The following EVL variants were observed in gnomAD, a reference collection of about 807,000 sequenced individuals.
EVL encodes ena/VASP-like protein.
In EVL, 21 loss-of-function variants were observed where a neutral mutation model predicts 59.6. The observed-to-expected ratio is 0.35, with a 90% confidence interval of 0.25 to 0.51. The LOEUF is 0.51. Ranked by LOEUF, EVL falls within the 20% of genes least tolerant of loss-of-function variation. The pLI is 0.97. For synonymous variants in EVL, 198 were observed against 203.5 expected, an observed-to-expected ratio of 0.97 and a Z score of 0.23; for missense variants, 462 against 546.6, an observed-to-expected ratio of 0.85 and a Z score of 1.54.
At chr14:100,090,206 C>A (rs909866714) in intron 2 of EVL, among the ~76,000 whole-genome samples, 2 of 151,704 alleles carry the variant, frequency 1.3e-5, no homozygotes, top group South Asian at 2.1e-4. Context: ...ATTAATAAAC[C>A]TTTATTGAGA....
At chr14:100,003,449 T>G (rs1392424264) in intron 1 of EVL, among the ~76,000 whole-genome samples, 1 of 152,174 alleles carries the variant, frequency 6.6e-6, no homozygotes, top group Admixed American at 6.5e-5. Flanking sequence ...AGAGGTTTGC[T>G]CTTGTTGCCC....
chr14:100,135,260 TG>T (rs1888705369), intron 8 of EVL: 1 of 152,270 alleles, frequency 6.6e-6, no homozygotes, highest in African/African-American at 2.4e-5. Context: ...CAAAGACCTC[TG>T]CCCACGGTGA....
intron 1 of EVL, among the ~76,000 whole-genome samples, chr14:100,025,877 G>A (rs376673901): frequency 1.3e-5 from 2 of 152,006 alleles, no homozygotes; most frequent in African/African-American, 2.4e-5. Flanking sequence ...CAGAGGTTAC[G>A]GTGAGCCGAG....
chr14:99,998,060 C>T (rs1436963198), intron 1 of EVL, among the ~76,000 whole-genome samples: 1 of 151,862 alleles, frequency 6.6e-6, no homozygotes, highest in East Asian at 1.9e-4. Context: ...TGCTCTTTTA[C>T]CCGGGCTGGA....
At chr14:99,989,312 CAGGGCCGTGATACTTATTTA>C (rs560366341) in intron 1 of EVL, among the ~76,000 whole-genome samples, 101 of 152,000 alleles carry the variant, frequency 6.6e-4, no homozygotes, top group African/African-American at 2.4e-3. Flanking sequence ...CCCATCTCCC[CAGGGCCGTGATACTTATTTA>C]AGTCAGGTCT....
chr14:100,086,948 T>C (rs1384755427), intron 2 of EVL, among the ~76,000 whole-genome samples: 1 of 152,208 alleles, frequency 6.6e-6, no homozygotes, highest in African/African-American at 2.4e-5. Context: ...ATAACAACTT[T>C]TAGGGACCTC....
At chr14:100,015,105 C>T (rs556353390) in intron 1 of EVL, among the ~76,000 whole-genome samples, 5 of 152,268 alleles carry the variant, frequency 3.3e-5, no homozygotes, top group African/African-American at 1.2e-4. Flanking sequence ...GCTGTGTGCC[C>T]CACAGCCTAA....
At position 100,109,775 on chromosome 14, in the gene EVL, C is replaced by T. The variant is rs1307106792; in HGVS notation, c.358+12117C>T. On this transcript the variant is annotated intron_variant, in intron 3 of 13. Transcript: ENST00000392920. This position sits in a 1 kb window ranked among gnomAD's most constrained non-coding sequence, Gnocchi z 4.3. ...CTTATCACCACCCCAAACAGAGGAA[C>T]ACGCCTTCTCCAGCCACAGCCTATG... 2.0e-6 allele frequency: 1 copy of T among 505,740 alleles called. No homozygotes were observed. Among genetic ancestry groups the T allele is most frequent in the Non-Finnish European group, 4.1e-6 (1 of 243,192 alleles). 31.3% of individuals were successfully genotyped at this position (505,740 alleles called of 1,614,324 possible). A position where few individuals can be genotyped will look rare whatever the true frequency, so the allele number is the denominator to read the frequency against.
intron 3 of EVL, among the ~76,000 whole-genome samples, chr14:100,115,955 C>T (rs1887314315): frequency 6.6e-6 from 1 of 152,238 alleles, no homozygotes; most frequent in African/African-American, 2.4e-5. Flanking sequence ...CAGTGCTGAG[C>T]ATCAGTGCAC....
chr14:100,051,233 G>A (rs537987341), intron 1 of EVL, among the ~76,000 whole-genome samples: 25 of 152,112 alleles, frequency 1.6e-4, no homozygotes, highest in Non-Finnish European at 1.8e-4. Context: ...GTCCTGCTCC[G>A]TCCTGACTAG....
At chr14:100,050,088 G>T (rs2061622287) in intron 1 of EVL, among the ~76,000 whole-genome samples, 2 of 152,152 alleles carry the variant, frequency 1.3e-5, no homozygotes, top group African/African-American at 4.8e-5. Context: ...AGCAACAGTG[G>T]ACTGCCATAA....
At chr14:100,095,359 C>A (rs552957440) in intron 2 of EVL, among the ~76,000 whole-genome samples, 4 of 152,302 alleles carry the variant, frequency 2.6e-5, no homozygotes, top group East Asian at 1.9e-4. Context: ...TAGGGACTTA[C>A]CAGGGCAGAA....
intron 2 of EVL, among the ~76,000 whole-genome samples, chr14:100,091,223 C>G (rs566351663): frequency 1.3e-5 from 2 of 152,138 alleles, no homozygotes; most frequent in Non-Finnish European, 2.9e-5. Flanking sequence ...GAATCGTCCC[C>G]TGCTTTTCTG....
chr14:100,018,894 T>C (rs530743303), intron 1 of EVL, among the ~76,000 whole-genome samples: 11 of 152,318 alleles, frequency 7.2e-5, no homozygotes, highest in South Asian at 4.1e-4. Context: ...GTTTCCTCCT[T>C]CTTCTCTTCT....
intron 3 of EVL, among the ~76,000 whole-genome samples, chr14:100,105,224 T>G (rs1886488990): frequency 6.6e-6 from 1 of 152,262 alleles, no homozygotes; most frequent in South Asian, 2.1e-4. Flanking sequence ...CTGTGTTGTC[T>G]CAGTCATCCC....
intron 1 of EVL, among the ~76,000 whole-genome samples, chr14:100,024,700 A>G (rs1338183307): frequency 6.6e-6 from 1 of 151,874 alleles, no homozygotes; most frequent in African/African-American, 2.4e-5. Context: ...CTTGCTGGAG[A>G]TGAAAACACA....
intron 1 of EVL, among the ~76,000 whole-genome samples, chr14:100,017,512 C>T (rs1439283683): frequency 2.0e-5 from 3 of 152,146 alleles, no homozygotes; most frequent in Non-Finnish European, 4.4e-5. Flanking sequence ...CTTTCCAACT[C>T]CTACTTTATT....
chr14:100,066,704 C>T (rs1358473102), intron 1 of EVL, among the ~76,000 whole-genome samples: 1 of 152,318 alleles, frequency 6.6e-6, no homozygotes, highest in Admixed American at 6.5e-5. Context: ...AAACTTCTAG[C>T]AGCTTATTCT....
intron 1 of EVL, among the ~76,000 whole-genome samples, chr14:100,059,880 T>G (rs1394501024): frequency 6.6e-6 from 1 of 152,194 alleles, no homozygotes; most frequent in African/African-American, 2.4e-5. Flanking sequence ...TAAAGAAAGA[T>G]AGCATAATCC....
Sources: gnomAD v4.1 joint callset for allele counts (sites outside exome capture counted in the v4.1 genomes callset) on GRCh38, gnomAD v4.1.1 for gene constraint, Gnocchi (gnomAD v3.1) non-coding constraint, MANE v1.5 for transcripts, NCBI Gene and HGNC (gene_info 2026-07-23, HGNC 2026-07-21) for gene names.